The following GLI3 variants were observed in gnomAD, a reference collection of about 807,000 sequenced individuals.
The protein encoded by GLI3 is GLI family zinc finger 3.
A neutral mutation model predicts 100.8 loss-of-function variants in GLI3; 20 were observed. The ratio of observed to expected loss-of-function variants is 0.20; its 90% CI spans 0.14 to 0.29. The LOEUF (loss-of-function observed/expected upper bound fraction) is 0.29. Ranked by LOEUF, GLI3 falls within the 10% of genes least tolerant of loss-of-function variation. The pLI, the probability that GLI3 is intolerant of heterozygous loss-of-function variation, is 1.00. For missense variants in GLI3, 2,040 were observed against 2,128.5 expected (o/e 0.96, Z 0.82); for synonymous variants, 938 against 860.5 (o/e 1.09, Z -1.58).
At chr7:42,242,633 C>T (rs1392115937), upstream of GLI3, among the ~76,000 whole-genome samples, 1 of 152,132 alleles carries the variant, frequency 6.6e-6, no homozygotes, top group African/African-American at 2.4e-5. Context: ...TCCTGCCAAA[C>T]CTTGTGTTCT....
intron 4 of GLI3, among the ~76,000 whole-genome samples, chr7:42,062,850 A>T (rs1434959292): frequency 6.6e-6 from 1 of 152,152 alleles, no homozygotes; most frequent in Non-Finnish European, 1.5e-5. Context: ...GCAGATGATA[A>T]GGCAGAAAGA....
At chr7:42,236,526 C>T (rs1482847591) in intron 1 of GLI3, among the ~76,000 whole-genome samples, 1 of 152,202 alleles carries the variant, frequency 6.6e-6, no homozygotes, top group Non-Finnish European at 1.5e-5. Context: ...GCGCACCCAC[C>T]ATGCCTCCCG....
chr7:42,060,103 TTTCC>T (rs1784537946), intron 4 of GLI3, among the ~76,000 whole-genome samples: 1 of 152,240 alleles, frequency 6.6e-6, no homozygotes, highest in Non-Finnish European at 1.5e-5. Context: ...CACTGTACCA[TTTCC>T]TTTTTAACAG....
At position 42,026,370 on chromosome 7, in the gene GLI3, G is replaced by A; in HGVS notation, c.1071C>T (p.Leu357=). 4 of 1,614,208 alleles carry A rather than the reference G, an allele frequency of 2.5e-6. No homozygotes were observed. The highest frequency in any genetic ancestry group is 3.4e-6 in the Non-Finnish European group (4 of 1,180,034). ...SFTYSSAPVS[L]HMHQQILSRQ... ...GGCTTAGGATCTGCTGATGCATGTG[G>A]AGAGAGACGGGCGCGGAAGAGTAGG... is the stretch of plus-strand genomic sequence containing the variant. The change falls in exon 8 of 15, where the codon CTC becomes CTT. Residue 357 remains leucine (L), a synonymous_variant. Coordinates refer to ENST00000395925, the MANE Select transcript of GLI3 (RefSeq NM_000168.6).
chr7:42,249,238 T>C (rs1167817745), intron 1 of GLI3, among the ~76,000 whole-genome samples: 1 of 152,200 alleles, frequency 6.6e-6, no homozygotes, highest in African/African-American at 2.4e-5. Flanking sequence ...GCTCTGCCAT[T>C]GTATCACAAA....
In GLI3 at chr7:42,220,407, G is replaced by T. The variant is rs139239523; in HGVS notation, c.124+2723C>A. Among the ~76,000 whole-genome samples the T allele has an allele frequency of 3.3e-3, 500 of 152,304 alleles. 2 individuals carry two copies. The highest frequency in any genetic ancestry group is 0.012 in the African/African-American group (483 of 41,576). On this transcript the variant is annotated intron_variant, in intron 2 of 14. Transcript: ENST00000395925. ...GATGGACAGAAGGATGGAGGGCCAT[G>T]GCGATGTCAACCACCAGCCAGCACA...
chr7:42,191,832 G>T (rs557025136), intron 2 of GLI3, among the ~76,000 whole-genome samples: 1 of 151,964 alleles, frequency 6.6e-6, no homozygotes, highest in Admixed American at 6.6e-5. Flanking sequence ...TATCCTGCCC[G>T]AAGTCTCACT....
intron 1 of GLI3, among the ~76,000 whole-genome samples, chr7:42,243,537 A>G (rs150527541): frequency 0.024 from 3,719 of 152,294 alleles, 52 homozygotes; most frequent in South Asian, 0.039. Context: ...TGCTAAATCA[A>G]TTCACTCAGT....
chr7:42,068,668 T>C (rs2128749553), intron 4 of GLI3, among the ~76,000 whole-genome samples: 1 of 152,332 alleles, frequency 6.6e-6, no homozygotes. Context: ...CAGGCAGCCC[T>C]GTGTCATTGG....
intron 3 of GLI3, among the ~76,000 whole-genome samples, chr7:42,088,758 T>A (rs1785156434): frequency 6.6e-6 from 1 of 152,194 alleles, no homozygotes; most frequent in Non-Finnish European, 1.5e-5. Flanking sequence ...TCAACAAACC[T>A]ATTCAGCTGG....
chr7:42,139,933 CT>C (rs1786525742), intron 3 of GLI3, among the ~76,000 whole-genome samples: 1 of 152,184 alleles, frequency 6.6e-6, no homozygotes, highest in Non-Finnish European at 1.5e-5. Context: ...TCACCCCAGA[CT>C]CTTGCAGGAG....
chr7:41,968,709 GAAAGAAGAAAGAAAGAAAGAAAGAAAGA>G (rs1787259170), intron 13 of GLI3, among the ~76,000 whole-genome samples: 5 of 119,494 alleles, frequency 4.2e-5, no homozygotes, highest in African/African-American at 1.9e-4. Flanking sequence ...AAGAAAGAAA[GAAAGAAGAAAGAAAGAAAGAAAGAAAGA>G]AAGAAAGAAA....
chr7:42,096,175 C>G (rs906160672), intron 3 of GLI3, among the ~76,000 whole-genome samples: 1 of 152,110 alleles, frequency 6.6e-6, no homozygotes, highest in Non-Finnish European at 1.5e-5. Context: ...AGAGAAGACC[C>G]AAGGCCAGAA....
At chr7:42,152,304 G>T in intron 2 of GLI3, 2 of 700,534 alleles carry the variant, frequency 2.9e-6, no homozygotes, top group Non-Finnish European at 3.5e-6. Flanking sequence ...CTCCTCTCTT[G>T]TCCCAAGACC....
chr7:42,229,624 CATACTT>C (rs1409759377), intron 1 of GLI3, among the ~76,000 whole-genome samples: 2 of 152,294 alleles, frequency 1.3e-5, no homozygotes, highest in African/African-American at 2.4e-5. Context: ...ACATTGCTCT[CATACTT>C]ATATTACTAG....
chr7:42,246,828 T>G (rs1788981256), intron 1 of GLI3, among the ~76,000 whole-genome samples: 1 of 109,448 alleles, frequency 9.1e-6, no homozygotes, highest in Non-Finnish European at 2.0e-5. Context: ...TTTTTTTTTT[T>G]TTTTTTGAGG....
intron 2 of GLI3, among the ~76,000 whole-genome samples, chr7:42,153,141 T>G (rs900750485): frequency 6.6e-6 from 1 of 152,204 alleles, no homozygotes; most frequent in African/African-American, 2.4e-5. Context: ...TCAGAGCCCT[T>G]TCCTCCTAGC....
chr7:42,014,455 T>A (rs965402859), intron 10 of GLI3, among the ~76,000 whole-genome samples: 2 of 152,226 alleles, frequency 1.3e-5, no homozygotes, highest in African/African-American at 4.8e-5. Flanking sequence ...CAGTCTTTTA[T>A]TATATTAGCT....
chr7:41,968,438 CTT>C (rs1787247271), intron 13 of GLI3, among the ~76,000 whole-genome samples: 1 of 152,052 alleles, frequency 6.6e-6, no homozygotes, highest in Non-Finnish European at 1.5e-5. Flanking sequence ...TGGTTTTAGT[CTT>C]GAGGTTCATT....
Sources: gnomAD v4.1 joint callset for allele counts (sites outside exome capture counted in the v4.1 genomes callset) on GRCh38, gnomAD v4.1.1 for gene constraint, MANE v1.5 for transcripts, NCBI Gene and HGNC (gene_info 2026-07-23, HGNC 2026-07-21) for gene names.